Variants in CUX1 observed in about 807,000 individuals in gnomAD.
The protein encoded by CUX1 is protein CASP.
CUX1 carries 31 observed loss-of-function variants against 158.8 expected under a neutral mutation model. That is an observed-to-expected ratio of 0.20 (90% confidence interval 0.15 to 0.26). The LOEUF (loss-of-function observed/expected upper bound fraction) is 0.26, where lower values mean the gene tolerates loss of function less well. CUX1 is among the 10% of genes least tolerant of loss of function. The pLI, the probability that CUX1 is intolerant of heterozygous loss-of-function variation, is 1.00. For synonymous variants in CUX1, 879 were observed against 862.1 expected (o/e 1.02, Z -0.34); for missense variants, 1,589 against 2,014.6 (o/e 0.79, Z 4.04).
At chr7:102,087,521 G>A (rs988022586) in intron 4 of CUX1, among the ~76,000 whole-genome samples, 7 of 152,088 alleles carry the variant, frequency 4.6e-5, no homozygotes, top group African/African-American at 1.4e-4. Context: ...CAAAGGTTGC[G>A]GCGAGCTGAG....
intron 2 of CUX1, chr7:101,961,227 A>C (rs1444930609): frequency 6.6e-6 from 1 of 152,168 alleles, no homozygotes; most frequent in African/African-American, 2.4e-5. Flanking sequence ...GTCCCTGGGC[A>C]GCGTGATCAT....
At chr7:101,921,795 A>G (rs1297818401) in intron 2 of CUX1, among the ~76,000 whole-genome samples, 1 of 152,222 alleles carries the variant, frequency 6.6e-6, no homozygotes, top group Non-Finnish European at 1.5e-5. Context: ...AACAACAAAT[A>G]TAGGTAGTTT....
chr7:102,254,256 T>G lies in CUX1; in HGVS notation c.*5214T>G. 2.0e-6 allele frequency: 2 copies of G among 985,426 alleles called. No individual in the cohort carries two copies. The highest frequency in any genetic ancestry group is 2.4e-6 in the Non-Finnish European group (2 of 829,958). The allele number at this position is 985,426 out of a possible 1,614,324, so 61.0% of individuals were successfully genotyped here. On this transcript the variant is annotated 3_prime_UTR_variant, in exon 24 of 24. Transcript: ENST00000292535. Reference sequence around the variant, plus strand: ...CTTTCTGTCCAGTCCTGCTCAGCTGTTAAGATCCATCATGGCCATTATCCT... The same window carrying G: ...CTTTCTGTCCAGTCCTGCTCAGCTGGTAAGATCCATCATGGCCATTATCCT...
intron 3 of CUX1, among the ~76,000 whole-genome samples, chr7:102,042,649 C>T (rs1585389690): frequency 6.6e-6 from 1 of 152,098 alleles, no homozygotes; most frequent in Non-Finnish European, 1.5e-5. Flanking sequence ...AGGGCTGAAC[C>T]GAAAAGTCTA....
chr7:102,075,987 A>G (rs1585552170), intron 4 of CUX1, among the ~76,000 whole-genome samples: 1 of 151,180 alleles, frequency 6.6e-6, no homozygotes, highest in African/African-American at 2.4e-5. Context: ...ATCTCCCTCC[A>G]CCCCAGCTTA....
At chr7:102,269,436 A>T (rs1461682295) in intron 14 of CUX1, among the ~76,000 whole-genome samples, 2 of 146,346 alleles carry the variant, frequency 1.4e-5, no homozygotes, top group Non-Finnish European at 3.0e-5. Flanking sequence ...ATGGAGTTTC[A>T]CTCTTGTTGC....
At chr7:101,817,110 G>C (rs1791919170), upstream of CUX1, 44 of 984,384 alleles carry the variant, frequency 4.5e-5, no homozygotes, top group Non-Finnish European at 5.2e-5. The surrounding 1 kb of genome is among the most constrained non-coding windows in gnomAD (Gnocchi z 4.1). Context: ...GCTGGGTCCC[G>C]GTGTCCCGGA....
chr7:102,161,022 G>T lies in CUX1; in HGVS notation c.723+2414G>T, dbSNP rs551393371. ...TAGCTAATGCTTCCTTTGCAAGATTGTTTCGAGGATTTGAGGTAAAATGCC... is the reference window on the plus strand; with the variant it reads ...TAGCTAATGCTTCCTTTGCAAGATTTTTTCGAGGATTTGAGGTAAAATGCC... On this transcript the variant is annotated intron_variant, in intron 9 of 23. Transcript: ENST00000292535. 3 of 152,312 alleles carry T rather than the reference G, an allele frequency of 2.0e-5. No homozygotes were observed. The South Asian group carries it at 6.2e-4, about 32-fold the overall frequency. 9.4% of individuals were successfully genotyped at this position (152,312 alleles called of 1,614,324 possible). A position where few individuals can be genotyped will look rare whatever the true frequency, so the allele number is the denominator to read the frequency against.
At chr7:101,961,717 T>G (rs1290339380) in intron 2 of CUX1, 1 of 151,876 alleles carries the variant, frequency 6.6e-6, no homozygotes, top group African/African-American at 2.4e-5. Context: ...TTGTCTTTAC[T>G]AAAAATATAA....
chr7:102,028,046 C>G, intron 2 of CUX1, 52 bp from the exon 3 acceptor site: 1 of 1,604,260 alleles, frequency 6.2e-7, no homozygotes, highest in Admixed American at 1.7e-5. Flanking sequence ...CAATGTTTCC[C>G]TTCTTTCTCC....
At chr7:101,989,864 C>T (rs1361981916) in intron 2 of CUX1, among the ~76,000 whole-genome samples, 1 of 152,216 alleles carries the variant, frequency 6.6e-6, no homozygotes, top group Non-Finnish European at 1.5e-5. Flanking sequence ...AGGAACCCGC[C>T]TGATAGAAGA....
intron 1 of CUX1, among the ~76,000 whole-genome samples, chr7:101,827,913 T>C (rs1439590581): frequency 6.7e-6 from 1 of 150,160 alleles, no homozygotes; most frequent in Non-Finnish European, 1.5e-5. Context: ...GTGGTGGAGA[T>C]GGAAGGGCTG....
At chr7:102,197,641 G>A (rs1208442568) in intron 15 of CUX1, among the ~76,000 whole-genome samples, 1 of 152,124 alleles carries the variant, frequency 6.6e-6, no homozygotes, top group Non-Finnish European at 1.5e-5. Context: ...AATTGGCCTT[G>A]GGTGCTGGTC....
chr7:102,280,678 G>A (rs1475997569), intron 19 of CUX1: 1 of 883,824 alleles, frequency 1.1e-6, no homozygotes, highest in Non-Finnish European at 1.8e-6. Context: ...CACCCTGGCA[G>A]CCCCCTGGGG....
chr7:102,016,271 C>T (rs144057730), intron 2 of CUX1, among the ~76,000 whole-genome samples: 8 of 152,326 alleles, frequency 5.3e-5, no homozygotes, highest in East Asian at 1.9e-4. Flanking sequence ...AAACTCCCTT[C>T]GCTCCACATG....
chr7:101,925,804 G>C (rs1324702888), intron 2 of CUX1, among the ~76,000 whole-genome samples: 1 of 151,982 alleles, frequency 6.6e-6, no homozygotes, highest in Admixed American at 6.6e-5. Context: ...GTGGTGGTGC[G>C]TACCTATGGT....
exon 23 of CUX1, chr7:102,283,472 G>A (rs938504976): frequency 8.0e-6 from 2 of 250,988 alleles, no homozygotes; most frequent in African/African-American, 2.2e-5. Flanking sequence ...TCTGCACTGC[G>A]ATCCTCTTGG....
At position 102,252,771 on chromosome 7, in the gene CUX1, C is replaced by T. The variant is rs1801651535; in HGVS notation, c.*3729C>T. 1.0e-6 allele frequency: 1 copy of T among 985,556 alleles called. No homozygotes were observed. Among genetic ancestry groups the T allele is most frequent in the Non-Finnish European group, 1.2e-6 (1 of 830,026 alleles). The allele number at this position is 985,556 out of a possible 1,614,324, so 61.1% of individuals were successfully genotyped here. On this transcript the variant is annotated 3_prime_UTR_variant, in exon 24 of 24. Transcript: ENST00000292535. ...TCCCTGGTAACCTCCTCTTGAACTT[C>T]TGTATCAGTGAAGACATCTGTGGTT...
At chr7:101,960,064 G>A (rs993461268) in intron 2 of CUX1, 1 of 152,182 alleles carries the variant, frequency 6.6e-6, no homozygotes, top group African/African-American at 2.4e-5. Context: ...GCGCCTGGTT[G>A]GTTGGGGCGG....
Sources: gnomAD v4.1 joint callset for allele counts (sites outside exome capture counted in the v4.1 genomes callset) on GRCh38, gnomAD v4.1.1 for gene constraint, Gnocchi (gnomAD v3.1) non-coding constraint, MANE v1.5 for transcripts, NCBI Gene and HGNC (gene_info 2026-07-23, HGNC 2026-07-21) for gene names.